Variants in COMMD1 observed in about 807,000 individuals in gnomAD.
The protein encoded by COMMD1 is copper metabolism domain containing 1.
A neutral mutation model predicts 17.2 loss-of-function variants in COMMD1; 10 were observed. That is an observed-to-expected ratio of 0.58 (90% confidence interval 0.36 to 0.99). COMMD1 has a LOEUF of 0.99. Ranked by LOEUF, COMMD1 falls within the 50% of genes least tolerant of loss-of-function variation. COMMD1 has a pLI of 0.01. For synonymous variants in COMMD1, 97 were observed against 91.6 expected (o/e 1.06, Z -0.34); for missense variants, 270 against 231.8 (o/e 1.17, Z -1.07).
chr2:61,894,251 G>A (rs1023631569), intron 1 of COMMD1, among the ~76,000 whole-genome samples: 5 of 152,176 alleles, frequency 3.3e-5, no homozygotes, highest in Admixed American at 1.3e-4. Flanking sequence ...CTACAGTATC[G>A]TGCAACTACA....
At chr2:62,001,934 G>A (rs1366366342) in intron 2 of COMMD1, among the ~76,000 whole-genome samples, 1 of 151,892 alleles carries the variant, frequency 6.6e-6, no homozygotes, top group East Asian at 1.9e-4. Flanking sequence ...TTGGGAGGCT[G>A]AGGTGGGCGG....
intron 1 of COMMD1, among the ~76,000 whole-genome samples, chr2:61,960,136 C>CGTGTGT (rs1558537616): frequency 1.4e-5 from 2 of 143,924 alleles, no homozygotes; most frequent in African/African-American, 5.4e-5. Context: ...TGTGTGTGTA[C>CGTGTGT]ACACACACTG....
At chr2:62,116,092 C>G (rs972587171) in intron 2 of COMMD1, among the ~76,000 whole-genome samples, 1 of 152,142 alleles carries the variant, frequency 6.6e-6, no homozygotes, top group Non-Finnish European at 1.5e-5. Flanking sequence ...AGCAGTCCAT[C>G]TGCCTTGGCC....
At chr2:62,103,379 A>G (rs903795399) in intron 2 of COMMD1, among the ~76,000 whole-genome samples, 1 of 152,214 alleles carries the variant, frequency 6.6e-6, no homozygotes, top group African/African-American at 2.4e-5. Context: ...GCTTCTGTGA[A>G]TACAGGTTAA....
At chr2:61,960,129 G>T (rs1037738038) in intron 1 of COMMD1, among the ~76,000 whole-genome samples, 2 of 151,876 alleles carry the variant, frequency 1.3e-5, no homozygotes, top group African/African-American at 4.8e-5. Context: ...GTGTGTGTGT[G>T]TGTGTACACA....
At chr2:61,935,757 G>C (rs1670592042) in intron 1 of COMMD1, among the ~76,000 whole-genome samples, 1 of 152,004 alleles carries the variant, frequency 6.6e-6, no homozygotes, top group Non-Finnish European at 1.5e-5. Context: ...ATTAAATTTG[G>C]TCTAATCATT....
chr2:62,078,878 GAAA>G (rs756558935), intron 2 of COMMD1, among the ~76,000 whole-genome samples: 1 of 96,864 alleles, frequency 1.0e-5, no homozygotes. Context: ...CTCCATCTCA[GAAA>G]AAAAAAAAAA....
intron 2 of COMMD1, among the ~76,000 whole-genome samples, chr2:62,108,576 C>CTAT (rs1247705121): frequency 6.6e-6 from 1 of 152,118 alleles, no homozygotes; most frequent in Non-Finnish European, 1.5e-5. Flanking sequence ...CTCTTGCCAT[C>CTAT]TATGGGCTAA....
chr2:62,029,352 T>C (rs751759902), intron 2 of COMMD1, among the ~76,000 whole-genome samples: 4 of 152,172 alleles, frequency 2.6e-5, no homozygotes, highest in Admixed American at 2.6e-4. Context: ...TGTCTTGATA[T>C]ATGGAGTCTT....
At chr2:61,902,810 A>T (rs530012495), upstream of COMMD1, among the ~76,000 whole-genome samples, 65 of 151,958 alleles carry the variant, frequency 4.3e-4, 1 homozygote, top group African/African-American at 1.6e-3. Context: ...GTGCCACTGC[A>T]CTCCAGCCTG....
At chr2:61,955,526 G>T (rs1350903271) in intron 1 of COMMD1, among the ~76,000 whole-genome samples, 1 of 152,018 alleles carries the variant, frequency 6.6e-6, no homozygotes, top group Non-Finnish European at 1.5e-5. Context: ...TTTCGGTGTT[G>T]TATCTAATAA....
chr2:62,049,761 G>T (rs973347346), intron 2 of COMMD1, among the ~76,000 whole-genome samples: 3 of 152,114 alleles, frequency 2.0e-5, no homozygotes, highest in Non-Finnish European at 4.4e-5. Context: ...TTTATTAAAA[G>T]TTCCTCTGGT....
intron 1 of COMMD1, among the ~76,000 whole-genome samples, chr2:61,950,768 C>T (rs920404185): frequency 2.0e-5 from 3 of 152,112 alleles, no homozygotes; most frequent in Admixed American, 6.5e-5. Flanking sequence ...GCATATACAG[C>T]GTGGATACCC....
At chr2:62,009,643 T>A (rs1046031655) in intron 2 of COMMD1, among the ~76,000 whole-genome samples, 2 of 151,774 alleles carry the variant, frequency 1.3e-5, no homozygotes, top group African/African-American at 4.8e-5. Context: ...TTTTGTTTCC[T>A]TAGAAAGTTG....
intron 1 of COMMD1, among the ~76,000 whole-genome samples, chr2:61,974,975 C>T (rs1348174758): frequency 6.6e-6 from 1 of 152,012 alleles, no homozygotes; most frequent in African/African-American, 2.4e-5. Flanking sequence ...ATCTCTTTAC[C>T]GTCTTCACAG....
chr2:61,955,458 G>A (rs568418191), intron 1 of COMMD1, among the ~76,000 whole-genome samples: 34 of 152,160 alleles, frequency 2.2e-4, no homozygotes, highest in South Asian at 8.3e-4. Flanking sequence ...TTTGAACTGC[G>A]TAAGTTTTCA....
chr2:61,940,308 A>C (rs1317449388), intron 1 of COMMD1, among the ~76,000 whole-genome samples: 1 of 152,222 alleles, frequency 6.6e-6, no homozygotes, highest in African/African-American at 2.4e-5. Flanking sequence ...GATAGGGAAA[A>C]CATCCCCCAG....
chr2:62,091,551 G>T (rs1238558604), intron 2 of COMMD1, among the ~76,000 whole-genome samples: 1 of 152,204 alleles, frequency 6.6e-6, no homozygotes, highest in African/African-American at 2.4e-5. Context: ...ATCTAAGTAT[G>T]CCCATGTCTG....
At chr2:61,889,272 T>C (rs1030952020) in intron 1 of COMMD1, among the ~76,000 whole-genome samples, 1 of 126,770 alleles carries the variant, frequency 7.9e-6, no homozygotes, top group Non-Finnish European at 1.6e-5. Flanking sequence ...AGTGGGGCGA[T>C]CTTGGCTCAC....
Sources: allele counts gnomAD v4.1 joint callset (sites outside exome capture counted in the v4.1 genomes callset), GRCh38; gene constraint gnomAD v4.1.1; transcripts MANE v1.5; gene names NCBI Gene and HGNC (gene_info 2026-07-23, HGNC 2026-07-21).